Variants in EBF3 observed in about 807,000 individuals in gnomAD.
EBF3 encodes transcription factor COE3.
Under a neutral mutation model 77.1 loss-of-function variants are expected in EBF3, and 18 were observed. That is an observed-to-expected ratio of 0.23 (90% CI 0.16 to 0.35). EBF3 has a LOEUF of 0.35. Among genes scored for constraint, EBF3 ranks in the 10% least tolerant of loss-of-function variants. EBF3 has a pLI of 1.00. For missense variants in EBF3, 558 were observed against 860.0 expected (o/e 0.65, Z 4.39); for synonymous variants, 350 against 343.5 (o/e 1.02, Z -0.21).
Position 129,960,731 on chromosome 10 carries a change from A to T in EBF3, c.411+1440T>A, listed in dbSNP as rs183012155. Reference sequence around the variant, plus strand: ...TACTGCAAAGGTACAAGGCTAAATGAACAATAAAAGTGTACTTAAAACGAA... The same window carrying T: ...TACTGCAAAGGTACAAGGCTAAATGTACAATAAAAGTGTACTTAAAACGAA... On this transcript the variant is annotated intron_variant, in intron 4 of 16. Transcript: ENST00000440978. 2.3e-3 allele frequency among the ~76,000 whole-genome samples: 353 copies of T among 151,874 alleles called. 1 individual carries two copies. The highest frequency in any genetic ancestry group is 8.1e-3 in the African/African-American group (334 of 41,384).
In EBF3 at chr10:129,870,017, A is replaced by C. The variant is rs549757237; in HGVS notation, c.782-2105T>G. The stretch of plus-strand genomic sequence containing the variant: ...CAAAAAAAAAAAATTACAGTAAACA[A>C]ATTTACTTTGGAGGTGAGAAAAGAA... On this transcript the variant is annotated intron_variant, in intron 8 of 16. Transcript: ENST00000440978. This position sits in a 1 kb window ranked among gnomAD's most constrained non-coding sequence, Gnocchi z 4.4. Among the ~76,000 whole-genome samples, 5 of 152,266 alleles carry C rather than the reference A, an allele frequency of 3.3e-5. No individual in the cohort carries two copies. The East Asian group carries it at 9.7e-4, about 30-fold the overall frequency.
chr10:129,958,242 T>C (rs992042267), intron 5 of EBF3, among the ~76,000 whole-genome samples: 3 of 152,172 alleles, frequency 2.0e-5, no homozygotes, highest in African/African-American at 4.8e-5. Flanking sequence ...CCCCTCAGAG[T>C]ATGCGGCCTG....
intron 6 of EBF3, among the ~76,000 whole-genome samples, chr10:129,888,698 G>A (rs1048781299): frequency 6.6e-5 from 10 of 152,174 alleles, no homozygotes; most frequent in Non-Finnish European, 1.5e-4. Context: ...ATGAAAACAA[G>A]GCTATTAGGT....
chr10:129,932,925 T>C (rs1857123654), intron 6 of EBF3, among the ~76,000 whole-genome samples: 1 of 128,110 alleles, frequency 7.8e-6, no homozygotes, highest in Non-Finnish European at 1.6e-5. Flanking sequence ...AATTTCAGAA[T>C]GCTCAGTGTA....
intron 6 of EBF3, among the ~76,000 whole-genome samples, chr10:129,915,617 G>A (rs1855835130): frequency 6.6e-6 from 1 of 152,210 alleles, no homozygotes. Context: ...AATGCTGGGC[G>A]AGCACAGCCG....
rs1181219710 is a variant in EBF3, at chr10:129,935,853, G to T, written c.554+21405C>A. 6.6e-6 allele frequency among the ~76,000 whole-genome samples: 1 copy of T among 152,200 alleles called. No individual in the cohort carries two copies. Among genetic ancestry groups the T allele is most frequent in the Non-Finnish European group, 1.5e-5 (1 of 68,046 alleles). On this transcript the variant is annotated intron_variant, in intron 6 of 16. Coordinates refer to ENST00000440978, the MANE Select transcript of EBF3 (RefSeq NM_001375380.1). This position sits in a 1 kb window ranked among gnomAD's most constrained non-coding sequence, Gnocchi z 4.2. ...GGGACAGGAGAGGCCAAGACACCAA[G>T]AGCGGCCACGATCAGCCACAGGCAG...
intron 6 of EBF3, among the ~76,000 whole-genome samples, chr10:129,909,510 G>A (rs1855370455): frequency 6.6e-6 from 1 of 152,176 alleles, no homozygotes; most frequent in South Asian, 2.1e-4. Flanking sequence ...GGCTCTCAGA[G>A]GGAGGTCATG....
chr10:129,921,005 G>T (rs774714450), intron 6 of EBF3, among the ~76,000 whole-genome samples: 4 of 152,092 alleles, frequency 2.6e-5, no homozygotes, highest in Non-Finnish European at 5.9e-5. Flanking sequence ...GGGACAGGGA[G>T]GGGTAGCCTG....
In EBF3 at chr10:129,897,819, T is replaced by C. The variant is rs939496293; in HGVS notation, c.555-19970A>G. On this transcript the variant is annotated intron_variant, in intron 6 of 16. Transcript: ENST00000440978. The surrounding 1 kb of genome is among the most constrained non-coding windows in gnomAD (Gnocchi z 4.6). ...ATCGTGACGGGGCCACTTGTGGGTA[T>C]GCGAGTACATGGCGGCCAGAGGCAG... Among the ~76,000 whole-genome samples, 1 of 152,228 alleles carries C rather than the reference T, an allele frequency of 6.6e-6. No homozygotes were observed. Among genetic ancestry groups the C allele is most frequent in the African/African-American group, 2.4e-5 (1 of 41,454 alleles).
At position 129,885,449 on chromosome 10, in the gene EBF3, C is replaced by T. The variant is rs994267113; in HGVS notation, c.555-7600G>A. Among the ~76,000 whole-genome samples the T allele has an allele frequency of 6.6e-6, 1 of 152,202 alleles. No homozygotes were observed. Among genetic ancestry groups the T allele is most frequent in the Non-Finnish European group, 1.5e-5 (1 of 68,048 alleles). On this transcript the variant is annotated intron_variant, in intron 6 of 16. Coordinates refer to ENST00000440978, the MANE Select transcript of EBF3 (RefSeq NM_001375380.1). The surrounding 1 kb of genome is among the most constrained non-coding windows in gnomAD (Gnocchi z 4.0). The stretch of plus-strand genomic sequence containing the variant: ...TCAGTGTTCTAGTTAGTATTTTCTG[C>T]AACTGCTCCGGATATTTCATGATAG...
intron 5 of EBF3, among the ~76,000 whole-genome samples, chr10:129,957,949 C>T (rs1859164580): frequency 6.6e-6 from 1 of 152,172 alleles, no homozygotes; most frequent in Non-Finnish European, 1.5e-5. Flanking sequence ...TAAATTAACA[C>T]CATATGGTAG....
At chr10:129,846,920 G>C (rs1195405217) in intron 11 of EBF3, among the ~76,000 whole-genome samples, 1 of 152,086 alleles carries the variant, frequency 6.6e-6, no homozygotes, top group Non-Finnish European at 1.5e-5. Context: ...TGTCCCCCGG[G>C]GAGGCAGAAG....
intron 11 of EBF3, chr10:129,845,916 T>C (rs2133970581): frequency 7.1e-6 from 1 of 140,514 alleles, no homozygotes; most frequent in South Asian, 2.3e-4. Flanking sequence ...AAAATGTAAT[T>C]TGTTTTTTCT....
At chr10:129,961,253 T>C (rs1859497461) in intron 4 of EBF3, among the ~76,000 whole-genome samples, 1 of 152,156 alleles carries the variant, frequency 6.6e-6, no homozygotes, top group South Asian at 2.1e-4. Flanking sequence ...GGAAGTATAT[T>C]TTAAAACAAT....
chr10:129,922,175 A>G (rs906817530), intron 6 of EBF3, among the ~76,000 whole-genome samples: 5 of 152,156 alleles, frequency 3.3e-5, no homozygotes, highest in Non-Finnish European at 5.9e-5. Flanking sequence ...GCCCAACAAG[A>G]GCAGAGTCCT....
intron 6 of EBF3, among the ~76,000 whole-genome samples, chr10:129,936,239 G>A (rs1304770029): frequency 6.6e-6 from 1 of 152,176 alleles, no homozygotes; most frequent in East Asian, 1.9e-4. Flanking sequence ...GGGAAGGTGA[G>A]GACTGGTTTG....
chr10:129,962,835 G>T, intron 3 of EBF3, 107 bp downstream of exon 3: 2 of 1,311,126 alleles, frequency 1.5e-6, no homozygotes, highest in South Asian at 2.5e-5. Flanking sequence ...AGAAGATTTC[G>T]TGTTTACATC....
rs560869521 is a variant in EBF3, at chr10:129,879,102, T to A, written c.555-1253A>T. ...GTCCTCCGCATTCCTGCATGCTCAG[T>A]GACATTGCAGGAGAGCTGGCTTCCA... On this transcript the variant is annotated intron_variant, in intron 6 of 16. Transcript: ENST00000440978. This position sits in a 1 kb window ranked among gnomAD's most constrained non-coding sequence, Gnocchi z 4.7. 4.5e-4 allele frequency among the ~76,000 whole-genome samples: 68 copies of A among 152,238 alleles called. No homozygotes were observed. Among genetic ancestry groups the A allele is most frequent in the South Asian group, 4.4e-3 (21 of 4,818 alleles).
In EBF3 at chr10:129,863,258, A is replaced by G. The variant is rs1003692906; in HGVS notation, c.1039+3883T>C. Among the ~76,000 whole-genome samples the G allele has an allele frequency of 1.3e-5, 2 of 152,244 alleles. No homozygotes were observed. Among genetic ancestry groups the G allele is most frequent in the African/African-American group, 4.8e-5 (2 of 41,472 alleles). ...AAGAACCAGTATGGAAGCGCTGGAC[A>G]TGTCATTTGTGACTCATTCTTTTAA... On this transcript the variant is annotated intron_variant, in intron 10 of 16. Coordinates refer to ENST00000440978, the MANE Select transcript of EBF3 (RefSeq NM_001375380.1). The surrounding 1 kb of genome is among the most constrained non-coding windows in gnomAD (Gnocchi z 4.0).
Sources: gnomAD v4.1 joint callset for allele counts (sites outside exome capture counted in the v4.1 genomes callset) on GRCh38, gnomAD v4.1.1 for gene constraint, Gnocchi (gnomAD v3.1) non-coding constraint, MANE v1.5 for transcripts, NCBI Gene and HGNC (gene_info 2026-07-23, HGNC 2026-07-21) for gene names.